Variants in CCDC192 observed in about 807,000 individuals in gnomAD.
CCDC192 encodes the protein coiled-coil domain-containing protein 192.
Position 127,883,962 on chromosome 5 carries a change from G to A in CCDC192, c.535+8301G>A, listed in dbSNP as rs527719245. Among the ~76,000 whole-genome samples, 7 of 152,196 alleles carry A rather than the reference G, an allele frequency of 4.6e-5. 1 individual carries two copies. Among genetic ancestry groups the A allele is most frequent in the African/African-American group, 1.4e-4 (6 of 41,534 alleles). On this transcript the variant is annotated intron_variant, in intron 6 of 6. Transcript: ENST00000514853. ...GCCCCTCCTTGCCTATTGACCCCAC[G>A]TGGACTACTGCAGGCACAGAAAGGG...
At chr5:127,792,875 T>C (rs1278274004) in intron 3 of CCDC192, among the ~76,000 whole-genome samples, 1 of 150,540 alleles carries the variant, frequency 6.6e-6, no homozygotes, top group African/African-American at 2.5e-5. Flanking sequence ...AATTGTGGAG[T>C]TGAAAAGCAC....
At chr5:127,910,016 T>C (rs1195752220) in intron 6 of CCDC192, among the ~76,000 whole-genome samples, 1 of 152,176 alleles carries the variant, frequency 6.6e-6, no homozygotes, top group African/African-American at 2.4e-5. Context: ...GAAAAGCACC[T>C]GTGTGAAAAA....
intron 6 of CCDC192, among the ~76,000 whole-genome samples, chr5:127,930,047 T>C (rs1310688118): frequency 6.6e-6 from 1 of 152,084 alleles, no homozygotes; most frequent in Non-Finnish European, 1.5e-5. Context: ...CTACTAAAAA[T>C]ACAAAGTTAG....
intron 5 of CCDC192, among the ~76,000 whole-genome samples, chr5:127,843,843 CATG>C (rs1750410287): frequency 6.6e-6 from 1 of 152,222 alleles, no homozygotes; most frequent in Non-Finnish European, 1.5e-5. Flanking sequence ...CCCCTTCCTT[CATG>C]CCATCAGCTT....
intron 5 of CCDC192, among the ~76,000 whole-genome samples, chr5:127,798,683 C>T (rs1757310202): frequency 6.6e-6 from 1 of 151,772 alleles, no homozygotes. Flanking sequence ...CTTCAGGACA[C>T]ACGTTAAGTG....
intron 5 of CCDC192, among the ~76,000 whole-genome samples, chr5:127,806,726 T>C (rs952027046): frequency 1.3e-5 from 2 of 152,160 alleles, no homozygotes; most frequent in African/African-American, 2.4e-5. Flanking sequence ...GCCACATTTC[T>C]CTATATAAAA....
At chr5:127,766,859 T>A (rs1755256631) in intron 3 of CCDC192, among the ~76,000 whole-genome samples, 1 of 152,176 alleles carries the variant, frequency 6.6e-6, no homozygotes, top group Admixed American at 6.5e-5. Flanking sequence ...TGAATTAGGA[T>A]TCCATTCTGG....
chr5:127,814,239 G>T (rs1758236258), intron 5 of CCDC192, among the ~76,000 whole-genome samples: 1 of 152,228 alleles, frequency 6.6e-6, no homozygotes, highest in African/African-American at 2.4e-5. Context: ...AGAGGGAATA[G>T]TCGGAAATCA....
chr5:127,906,193 C>T (rs185262257), intron 6 of CCDC192, among the ~76,000 whole-genome samples: 150 of 152,264 alleles, frequency 9.9e-4, no homozygotes, highest in Admixed American at 2.3e-3. Flanking sequence ...TGCTCTCCCC[C>T]GCCTGCAGGT....
chr5:127,901,818 CTATTTTGTATTCTGCAACTT>C (rs567897889), intron 6 of CCDC192, among the ~76,000 whole-genome samples: 31 of 152,322 alleles, frequency 2.0e-4, no homozygotes, highest in Middle Eastern at 3.4e-3. Context: ...AGTCCAAATA[CTATTTTGTATTCTGCAACTT>C]TATTTTGTAT....
intron 5 of CCDC192, among the ~76,000 whole-genome samples, chr5:127,833,073 T>A (rs1472803662): frequency 6.6e-6 from 1 of 152,204 alleles, no homozygotes; most frequent in Non-Finnish European, 1.5e-5. Flanking sequence ...TAGGTTATTG[T>A]CTGTGTAGCT....
chr5:127,706,516 T>TC, intron 1 of CCDC192, among the ~76,000 whole-genome samples: 2 of 101,590 alleles, frequency 2.0e-5, no homozygotes, highest in Middle Eastern at 0.011. Flanking sequence ...AGAGCAAGAC[T>TC]CCATCTCAGA....
intron 3 of CCDC192, among the ~76,000 whole-genome samples, chr5:127,794,801 A>C (rs182859008): frequency 2.6e-5 from 4 of 152,278 alleles, no homozygotes; most frequent in Admixed American, 2.6e-4. Flanking sequence ...GGATCACATA[A>C]CAAACAGGAT....
chr5:127,912,564 G>A (rs1026898403), intron 6 of CCDC192, among the ~76,000 whole-genome samples: 1 of 152,118 alleles, frequency 6.6e-6, no homozygotes, highest in Non-Finnish European at 1.5e-5. Context: ...AGAACACCGA[G>A]CCTCTGTGAT....
At chr5:127,750,208 G>A (rs199972802) in intron 2 of CCDC192, among the ~76,000 whole-genome samples, 8,543 of 151,836 alleles carry the variant, frequency 0.056, 548 homozygotes, top group East Asian at 0.27. Flanking sequence ...GTGATGTTAG[G>A]GTGTCAATTT....
At chr5:127,784,045 C>G (rs1050332613) in intron 3 of CCDC192, among the ~76,000 whole-genome samples, 2 of 152,164 alleles carry the variant, frequency 1.3e-5, no homozygotes, top group African/African-American at 4.8e-5. Context: ...AGGAGAGTCT[C>G]TTGAAGGCAG....
At chr5:127,723,619 A>C (rs1752148872) in intron 2 of CCDC192, among the ~76,000 whole-genome samples, 1 of 152,228 alleles carries the variant, frequency 6.6e-6, no homozygotes, top group African/African-American at 2.4e-5. Flanking sequence ...CCTTAAGAGA[A>C]GATATCATTC....
At chr5:127,889,970 T>C (rs116741814) in intron 6 of CCDC192, among the ~76,000 whole-genome samples, 24 of 152,290 alleles carry the variant, frequency 1.6e-4, no homozygotes, top group African/African-American at 5.3e-4. Context: ...CTGATGGATG[T>C]TTGCTTCCAT....
chr5:127,813,379 A>G (rs1266892950), intron 5 of CCDC192, among the ~76,000 whole-genome samples: 1 of 152,230 alleles, frequency 6.6e-6, no homozygotes, highest in African/African-American at 2.4e-5. Context: ...AAAATCATTG[A>G]GGATATCAAT....
Sources: allele counts gnomAD v4.1 joint callset (sites outside exome capture counted in the v4.1 genomes callset), GRCh38; gene constraint gnomAD v4.1.1; transcripts MANE v1.5; gene names NCBI Gene and HGNC (gene_info 2026-07-23, HGNC 2026-07-21).